METTL13: variants seen among roughly 807,000 people sequenced by gnomAD.
The protein encoded by METTL13 is methyltransferase 13, eEF1A N-terminus and K55.
METTL13 carries 52 observed loss-of-function variants against 67.4 expected under a neutral mutation model. The ratio of observed to expected loss-of-function variants is 0.77; its 90% CI spans 0.62 to 0.97. METTL13 has a LOEUF of 0.97. METTL13 is among the 50% of genes least tolerant of loss of function. The probability of loss-of-function intolerance (pLI) is 0.00; values close to 1 mark genes in which losing one functional copy is unlikely to be tolerated. For missense variants in METTL13, 825 were observed against 889.6 expected (o/e 0.93, Z 0.92); for synonymous variants, 354 against 353.6 (o/e 1.00, Z -0.01).
Position 171,783,960 on chromosome 1 carries a change from A to C in METTL13, c.374A>C (p.Asp125Ala), listed in dbSNP as rs1000228900. The C allele has an allele frequency of 1.2e-6, 2 of 1,614,116 alleles. No individual in the cohort carries two copies. Among genetic ancestry groups the C allele is most frequent in the Non-Finnish European group, 1.7e-6 (2 of 1,180,048 alleles). ...FQVVLDKGTL[D>A]AVLTDEEEKT... Reference sequence around the variant, plus strand: ...GTGGTGTTGGACAAGGGCACCCTGGATGCTGTCCTGACAGATGAGGAAGAG... The same window carrying C: ...GTGGTGTTGGACAAGGGCACCCTGGCTGCTGTCCTGACAGATGAGGAAGAG... Residue 125 changes from aspartate to alanine, a missense_variant, in exon 2 of 8, where the codon GAT becomes GCT. Asp to Ala is a moderately radical substitution (Grantham distance 126). Coordinates refer to ENST00000361735, the MANE Select transcript of METTL13 (RefSeq NM_015935.5).
chr1:171,784,112 C>T lies in METTL13; in HGVS notation c.526C>T (p.Arg176Trp), dbSNP rs900150189. 6.2e-6 allele frequency: 10 copies of T among 1,614,192 alleles called. No individual in the cohort carries two copies. Among genetic ancestry groups the T allele is most frequent in the Non-Finnish European group, 7.6e-6 (9 of 1,180,032 alleles). Residue 176 changes from arginine (R) to tryptophan (W), a missense_variant, in exon 2 of 8, where the codon CGG becomes TGG. By Grantham distance (101) the Arg-to-Trp change is moderately radical. Transcript: ENST00000361735. Reference sequence around the variant, plus strand: ...GAAGAAAGCAGTGGGCCACTTCTCCCGGGAGGGGTGGATGGTGAGGGTGCA... The same window carrying T: ...GAAGAAAGCAGTGGGCCACTTCTCCTGGGAGGGGTGGATGGTGAGGGTGCA... ...ILKKAVGHFSREGWMVRVHQV... is the reference protein window; with the variant it reads ...ILKKAVGHFSWEGWMVRVHQV...
intron 4 of METTL13, among the ~76,000 whole-genome samples, chr1:171,789,249 A>G (rs1373256756): frequency 6.6e-6 from 1 of 152,030 alleles, no homozygotes; most frequent in Non-Finnish European, 1.5e-5. Context: ...AAGCACCCCG[A>G]CTCCACTCAT....
Position 171,785,949 on chromosome 1 carries a change from T to G in METTL13, c.984T>G (p.Ala328=). The G allele has an allele frequency of 1.9e-6, 3 of 1,613,942 alleles. No individual in the cohort carries two copies. Among genetic ancestry groups the G allele is most frequent in the Non-Finnish European group, 2.5e-6 (3 of 1,180,002 alleles). Residue 328 remains alanine (A), a synonymous_variant, in exon 3 of 8, where the codon GCT becomes GCG. Transcript: ENST00000361735. ...DEGRKQLAAS[A]GFRRLITVAL... ...GCCGGAAACAGCTGGCGGCCAGTGC[T>G]GGCTTCAGGAGGTTGATTACAGTGG...
intron 4 of METTL13, among the ~76,000 whole-genome samples, chr1:171,789,849 A>AGGGGGG (rs369251334): frequency 9.2e-6 from 1 of 108,682 alleles, no homozygotes; most frequent in Non-Finnish European, 2.0e-5. Flanking sequence ...GGGGCGGGGT[A>AGGGGGG]GGGGGGGCAC....
rs1357738713 is a variant in METTL13 at position 171,796,845 on chromosome 1, G to A, written c.*89G>A. 6.7e-7 allele frequency: 1 copy of A among 1,496,402 alleles called. No homozygotes were observed. Among genetic ancestry groups the A allele is most frequent in the Non-Finnish European group, 9.0e-7 (1 of 1,117,182 alleles). The allele number at this position is 1,496,402 out of a possible 1,614,324, so 92.7% of individuals were successfully genotyped here. A position where few individuals can be genotyped will look rare whatever the true frequency, so the allele number is the denominator to read the frequency against. On this transcript the variant is annotated 3_prime_UTR_variant, in exon 8 of 8. Transcript: ENST00000361735. ...AAGAAATACAACGCACAGTACTTTT[G>A]AAGCTTCGTATTTTTCTTGGTTTCA...
chr1:171,787,657 C>T lies in METTL13; in HGVS notation c.1114-78C>T, dbSNP rs1207858999. The T allele has an allele frequency of 8.7e-6, 12 of 1,372,982 alleles. No homozygotes were observed. The Admixed American group carries it at 2.6e-4, about 30-fold the overall frequency. 85.0% of individuals were successfully genotyped at this position (1,372,982 alleles called of 1,614,324 possible). A position where few individuals can be genotyped will look rare whatever the true frequency, so the allele number is the denominator to read the frequency against. On this transcript the variant is annotated intron_variant, in intron 3 of 7. Coordinates refer to ENST00000361735, the MANE Select transcript of METTL13 (RefSeq NM_015935.5). Reference sequence around the variant, plus strand: ...ACCGTGGTATGGGGATATATACACACAAAAGGGAAGGGGTTATAATTTCTC... The same window carrying T: ...ACCGTGGTATGGGGATATATACACATAAAAGGGAAGGGGTTATAATTTCTC...
At position 171,783,826 on chromosome 1, in the gene METTL13, T is replaced by C; in HGVS notation, c.240T>C (p.Ser80=). 1.2e-6 allele frequency: 2 copies of C among 1,614,110 alleles called. No homozygotes were observed. Among genetic ancestry groups the C allele is most frequent in the Non-Finnish European group, 1.7e-6 (2 of 1,180,018 alleles). ...GGGATATAGTGAACATCGACATCAGTGAGGTTGTCATCAAGCAAATGAAGG... is the reference window on the plus strand; with the variant it reads ...GGGATATAGTGAACATCGACATCAGCGAGGTTGTCATCAAGCAAATGAAGG... ...GYRDIVNIDI[S]EVVIKQMKEC... Residue 80 remains serine (S), a synonymous_variant, in exon 2 of 8, where the codon AGT becomes AGC. Coordinates refer to ENST00000361735, the MANE Select transcript of METTL13 (RefSeq NM_015935.5).
At position 171,796,807 on chromosome 1, in the gene METTL13, C is replaced by G; in HGVS notation, c.*51C>G. Reference sequence around the variant, plus strand: ...CCTAGACTGACCTTGGACTCCCAGCCTGCCAGAGAATGAAGAAATACAACG... The same window carrying G: ...CCTAGACTGACCTTGGACTCCCAGCGTGCCAGAGAATGAAGAAATACAACG... On this transcript the variant is annotated 3_prime_UTR_variant, in exon 8 of 8. Transcript: ENST00000361735. The G allele has an allele frequency of 6.3e-7, 1 of 1,584,372 alleles. No homozygotes were observed.
rs1183377833 is a variant in METTL13 at position 171,783,991 on chromosome 1, C to T, written c.405C>T (p.Thr135=). 6.2e-7 allele frequency: 1 copy of T among 1,614,200 alleles called. No individual in the cohort carries two copies. The highest frequency in any genetic ancestry group is 1.1e-5 in the South Asian group (1 of 91,088). Residue 135 remains threonine, a synonymous_variant, in exon 2 of 8, where the codon ACC becomes ACT. Transcript: ENST00000361735. ...TCCTGACAGATGAGGAAGAGAAGACCTTACAACAGGTGGACAGGATGCTGG... is the reference window on the plus strand; with the variant it reads ...TCCTGACAGATGAGGAAGAGAAGACTTTACAACAGGTGGACAGGATGCTGG... ...DAVLTDEEEK[T]LQQVDRMLAE... is the part of the protein sequence containing the mutation.
intron 7 of METTL13, among the ~76,000 whole-genome samples, chr1:171,795,471 A>G (rs1453517834): frequency 6.6e-6 from 1 of 152,086 alleles, no homozygotes; most frequent in African/African-American, 2.4e-5. Flanking sequence ...AGCAGTTCAC[A>G]CTCCCACCAG....
In METTL13 at chr1:171,787,620, T is replaced by C. The variant is rs1657061196; in HGVS notation, c.1114-115T>C. ...ATAGAATGGCAAATCTGTGGAGTAG[T>C]TGTTGTCTAGAACCGTGGTATGGGG... On this transcript the variant is annotated intron_variant, in intron 3 of 7. Coordinates refer to ENST00000361735, the MANE Select transcript of METTL13 (RefSeq NM_015935.5). 7.8e-6 allele frequency: 7 copies of C among 898,366 alleles called. No individual in the cohort carries two copies. In the South Asian group the frequency reaches 1.3e-4, roughly 16 times the overall value. 55.6% of individuals were successfully genotyped at this position (898,366 alleles called of 1,614,324 possible).
rs1409339622 is a variant in METTL13 at position 171,784,481 on chromosome 1, C to T, written c.895C>T (p.His299Tyr). The T allele has an allele frequency of 1.3e-6, 2 of 1,503,196 alleles. No individual in the cohort carries two copies. Among genetic ancestry groups the T allele is most frequent in the African/African-American group, 2.8e-5 (2 of 71,394 alleles). The allele number at this position is 1,503,196 out of a possible 1,614,324, so 93.1% of individuals were successfully genotyped here. Residue 299 changes from histidine to tyrosine, a missense_variant, in exon 2 of 8, where the codon CAT becomes TAT. Coordinates refer to ENST00000361735, the MANE Select transcript of METTL13 (RefSeq NM_015935.5). Reference sequence around the variant, plus strand: ...CACTGTGAAACCATCGCGGGACAATCATTTTGCGATTTTCATCAGTGAGTT... The same window carrying T: ...CACTGTGAAACCATCGCGGGACAATTATTTTGCGATTTTCATCAGTGAGTT... ...SPTVKPSRDN[H>Y]FAIFIIPQGR...
chr1:171,786,921 T>A (rs1657035332), intron 3 of METTL13, among the ~76,000 whole-genome samples: 1 of 151,932 alleles, frequency 6.6e-6, no homozygotes, highest in Non-Finnish European at 1.5e-5. Context: ...AGCAAAGGTA[T>A]CTAGAGGCTT....
At position 171,784,067 on chromosome 1, in the gene METTL13, C is replaced by T. The variant is rs1009245530; in HGVS notation, c.481C>T (p.Leu161=). Residue 161 remains leucine (L), a synonymous_variant, in exon 2 of 8, where the codon CTG becomes TTG. Transcript: ENST00000361735. ...QVGGRYLCIS[L]AQAHILKKAV... is the part of the protein sequence containing the mutation. ...GGGCGGTCGCTATCTCTGCATCTCC[C>T]TGGCTCAGGCTCACATCCTGAAGAA... is the stretch of plus-strand genomic sequence containing the variant. The T allele has an allele frequency of 1.2e-6, 2 of 1,614,114 alleles. No individual in the cohort carries two copies. Among genetic ancestry groups the T allele is most frequent in the African/African-American group, 1.3e-5 (1 of 74,936 alleles).
rs1254158343 is a variant in METTL13, at chr1:171,797,022, G to A, written c.*266G>A. 1 of 455,086 alleles carries A rather than the reference G, an allele frequency of 2.2e-6. No homozygotes were observed. The highest frequency in any genetic ancestry group is 2.2e-5 in the South Asian group (1 of 46,126). The allele number at this position is 455,086 out of a possible 1,614,324, so 28.2% of individuals were successfully genotyped here. Reference sequence around the variant, plus strand: ...TCCTTGAGTGGAGTTCCCTGCTGAAGCCCCTAGCACACACTGCATGCCTTA... The same window carrying A: ...TCCTTGAGTGGAGTTCCCTGCTGAAACCCCTAGCACACACTGCATGCCTTA... On this transcript the variant is annotated 3_prime_UTR_variant, in exon 8 of 8. Coordinates refer to ENST00000361735, the MANE Select transcript of METTL13 (RefSeq NM_015935.5).
rs1211520434 is a variant in METTL13 at position 171,796,702 on chromosome 1, T to C, written c.2046T>C (p.Gly682=). 8 of 1,613,728 alleles carry C rather than the reference T, an allele frequency of 5.0e-6. No homozygotes were observed. The African/African-American group carries it at 8.0e-5, about 16-fold the overall frequency. ...GGACCCTGAGGAAGCCTGGGAGGGG[T>C]TGGGATGACACGTATGTCTTGTCAG... ...LERTLRKPGR[G]WDDTYVLSDM... The change falls in exon 8 of 8, where the codon GGT becomes GGC. Residue 682 remains glycine, a synonymous_variant. Transcript: ENST00000361735.
Position 171,790,632 on chromosome 1 carries a change from C to T in METTL13, c.1474+16C>T. On this transcript the variant is annotated intron_variant, in intron 5 of 7. Transcript: ENST00000361735. ...CTACTCCTAGGTGAGAGAGATGCCA[C>T]TGCCTTCCACAGAAGGGAGCATAAA... is the stretch of plus-strand genomic sequence containing the variant. 1 of 1,507,040 alleles carries T rather than the reference C, an allele frequency of 6.6e-7. No homozygotes were observed. The highest frequency in any genetic ancestry group is 8.9e-7 in the Non-Finnish European group (1 of 1,128,420). 93.4% of individuals were successfully genotyped at this position (1,507,040 alleles called of 1,614,324 possible). A position where few individuals can be genotyped will look rare whatever the true frequency, so the allele number is the denominator to read the frequency against.
intron 4 of METTL13, among the ~76,000 whole-genome samples, chr1:171,788,907 T>C (rs1303979042): frequency 1.3e-5 from 2 of 152,208 alleles, no homozygotes; most frequent in Non-Finnish European, 2.9e-5. Context: ...GGTCATAGAC[T>C]GGCTCTGAGC....
intron 1 of METTL13, among the ~76,000 whole-genome samples, chr1:171,783,061 C>CTT (rs56363000): frequency 0.29 from 39,956 of 138,414 alleles, 5,845 homozygotes; most frequent in East Asian, 0.52. Context: ...CCGAGAGCCA[C>CTT]TTTTTTTTTT....
Sources: allele counts gnomAD v4.1 joint callset (sites outside exome capture counted in the v4.1 genomes callset), GRCh38; gene constraint gnomAD v4.1.1; transcripts MANE v1.5; gene names NCBI Gene and HGNC (gene_info 2026-07-23, HGNC 2026-07-21).